Variants in GGA2 observed in about 807,000 individuals in gnomAD.
GGA2 encodes the protein ADP-ribosylation factor-binding protein GGA2.
In GGA2, 48 loss-of-function variants were observed where a neutral mutation model predicts 79.5. The ratio of observed to expected loss-of-function variants is 0.60; its 90% CI spans 0.48 to 0.77. The LOEUF (loss-of-function observed/expected upper bound fraction) is 0.77, where lower values mean the gene tolerates loss of function less well. GGA2 is among the 30% of genes least tolerant of loss of function. The pLI is 0.00. For missense variants in GGA2, 770 were observed against 774.0 expected (o/e 0.99, Z 0.06); for synonymous variants, 317 against 302.0 (o/e 1.05, Z -0.51).
chr16:23,483,060 C>CT (rs1051579922), intron 8 of GGA2, 56 bp from the exon 9 acceptor site: 2 of 1,118,950 alleles, frequency 1.8e-6, no homozygotes, highest in African/African-American at 3.1e-5. Context: ...TAACGCCCCC[C>CT]TCCAGGGCCC....
rs762746067 is a variant in GGA2 at position 23,510,357 on chromosome 16, G to T, written c.55C>A (p.Pro19Thr). ...TCCAGCGACGCTGCCGGGCCCGGGGGACCCTGGGCCGACTCGGTTCCCGCC... is the reference window on the plus strand; with the variant it reads ...TCCAGCGACGCTGCCGGGCCCGGGGTACCCTGGGCCGACTCGGTTCCCGCC... ...AVAGTESAQG[P>T]PGPAASLELW... The change falls in exon 1 of 17, where the codon CCC becomes ACC. Residue 19 changes from proline (P) to threonine (T), a missense_variant. By Grantham distance (38) the Pro-to-Thr change is conservative (BLOSUM62 -1). Coordinates refer to ENST00000309859, the MANE Select transcript of GGA2 (RefSeq NM_015044.4). 9.1e-6 allele frequency: 13 copies of T among 1,430,022 alleles called. No homozygotes were observed. The African/African-American group carries it at 1.2e-4, about 13-fold the overall frequency. 88.6% of individuals were successfully genotyped at this position (1,430,022 alleles called of 1,614,324 possible). A position where few individuals can be genotyped will look rare whatever the true frequency, so the allele number is the denominator to read the frequency against.
chr16:23,510,215 C>T, intron 1 of GGA2, 106 bp downstream of exon 1: 5 of 621,088 alleles, frequency 8.1e-6, no homozygotes. Context: ...ACCCGGCCGC[C>T]GGCCTCCCCT....
At chr16:23,479,638 G>A in intron 11 of GGA2, 127 bp downstream of exon 11, 5 of 1,105,122 alleles carry the variant, frequency 4.5e-6, no homozygotes, top group Admixed American at 4.2e-5. Context: ...GAGGGAACCA[G>A]CTCACTCTTC....
chr16:23,479,798 G>A lies in GGA2; in HGVS notation c.1096C>T (p.Pro366Ser), dbSNP rs1280646516. 2.5e-6 allele frequency: 4 copies of A among 1,613,992 alleles called. No individual in the cohort carries two copies. Among genetic ancestry groups the A allele is most frequent in the African/African-American group, 1.3e-5 (1 of 74,918 alleles). Residue 366 changes from proline to serine, a missense_variant, in exon 11 of 17, where the codon CCA becomes TCA. Physicochemically the swap from Pro to Ser is moderately conservative, Grantham distance 74. Transcript: ENST00000309859. ...GCCAGGTCCTGATGAAGCAAAGATG[G>A]CACCACAGTCCCCATCTGCGCAGGT... ...NGPAQMGTVVPSLLHQDLAAL... is the reference protein window; with the variant it reads ...NGPAQMGTVVSSLLHQDLAAL...
chr16:23,482,793 C>T (rs1964663709), intron 9 of GGA2, 130 bp downstream of exon 9: 1 of 681,182 alleles, frequency 1.5e-6, no homozygotes, highest in African/African-American at 1.8e-5. Flanking sequence ...CAGGCCACAC[C>T]CTCCCCAAGC....
At chr16:23,468,259 C>T (rs1452440456) in intron 16 of GGA2, among the ~76,000 whole-genome samples, 1 of 152,126 alleles carries the variant, frequency 6.6e-6, no homozygotes, top group African/African-American at 2.4e-5. Context: ...CTCACTGCAA[C>T]CTCCGCCTCT....
intron 5 of GGA2, among the ~76,000 whole-genome samples, chr16:23,490,008 G>C (rs1390104326): frequency 6.6e-6 from 1 of 152,202 alleles, no homozygotes; most frequent in Non-Finnish European, 1.5e-5. Context: ...GCCTGCCTAA[G>C]AACCAGGCTG....
intron 14 of GGA2, among the ~76,000 whole-genome samples, chr16:23,472,529 A>G (rs1244935983): frequency 6.6e-6 from 1 of 151,536 alleles, no homozygotes; most frequent in Non-Finnish European, 1.5e-5. Flanking sequence ...AAACAGGTAG[A>G]AAGAAATTGA....
chr16:23,472,639 TG>T (rs1031831370), intron 14 of GGA2, among the ~76,000 whole-genome samples: 3 of 150,616 alleles, frequency 2.0e-5, no homozygotes, highest in African/African-American at 7.3e-5. Context: ...GCCTGGAGGA[TG>T]GAGGTTGTAG....
At position 23,464,032 on chromosome 16, in the gene GGA2, T is replaced by C. The variant is rs967717506; in HGVS notation, c.*3558A>G. ...GTAAGCATCTTCTATAATGGGTATA[T>C]TTAAAGGATTTGGGATTAATATTGT... On this transcript the variant is annotated 3_prime_UTR_variant, in exon 17 of 17. Transcript: ENST00000309859. The C allele has an allele frequency of 2.0e-5, 3 of 152,210 alleles. No individual in the cohort carries two copies. The highest frequency in any genetic ancestry group is 4.4e-5 in the Non-Finnish European group (3 of 68,030). The allele number at this position is 152,210 out of a possible 1,614,324, so 9.4% of individuals were successfully genotyped here.
At chr16:23,519,618 C>T in exon 2 of GGA2, 1 of 423,772 alleles carries the variant, frequency 2.4e-6, no homozygotes, top group Non-Finnish European at 4.8e-6. Flanking sequence ...TGGCCAACTG[C>T]AGAGATAAAG....
At chr16:23,486,266 A>C in intron 7 of GGA2, 114 bp from the exon 8 acceptor site, 1 of 885,540 alleles carries the variant, frequency 1.1e-6, no homozygotes, top group Non-Finnish European at 1.8e-6. Context: ...CATCACCAGG[A>C]TGTTAAGTGC....
intron 14 of GGA2, among the ~76,000 whole-genome samples, chr16:23,473,330 CTTTTTTTTTTTTTTTTT>C (rs34972165): frequency 1.4e-5 from 1 of 70,672 alleles, no homozygotes; most frequent in Non-Finnish European, 2.4e-5. Flanking sequence ...CTTTTCTAGT[CTTTTTTTTTTTTTTTTT>C]TTTTTTTTTA....
intron 9 of GGA2, among the ~76,000 whole-genome samples, chr16:23,481,895 T>C (rs1420619588): frequency 6.6e-6 from 1 of 152,242 alleles, no homozygotes; most frequent in Non-Finnish European, 1.5e-5. Flanking sequence ...CAATTTTTTT[T>C]TTTTAAGTTA....
upstream of GGA2, among the ~76,000 whole-genome samples, chr16:23,513,790 A>G (rs1288817998): frequency 3.7e-5 from 2 of 54,722 alleles, no homozygotes. Flanking sequence ...TCTCAAAAAA[A>G]AAAAAAAAAA....
At chr16:23,486,816 G>A in intron 6 of GGA2, 26 bp from the exon 7 acceptor site, 1 of 1,411,738 alleles carries the variant, frequency 7.1e-7, no homozygotes, top group Non-Finnish European at 1.0e-6. Context: ...AGGAAGAGTA[G>A]GTGAGACCAC....
chr16:23,488,518 C>T, intron 6 of GGA2, 88 bp downstream of exon 6: 1 of 823,982 alleles, frequency 1.2e-6, no homozygotes, highest in Non-Finnish European at 2.1e-6. Flanking sequence ...ACCTGCCCCC[C>T]TCCATACTCC....
chr16:23,499,720 C>T (rs542692007), intron 1 of GGA2, among the ~76,000 whole-genome samples: 2 of 152,350 alleles, frequency 1.3e-5, no homozygotes, highest in South Asian at 4.1e-4. Context: ...CCTCGGCCCC[C>T]CAAAGTGTTA....
chr16:23,477,364 G>A (rs764131994), intron 13 of GGA2, among the ~76,000 whole-genome samples: 3 of 152,152 alleles, frequency 2.0e-5, no homozygotes, highest in Admixed American at 6.5e-5. Flanking sequence ...CTGTTCTCAC[G>A]GTAGTAAGTC....
Sources: gnomAD v4.1 joint callset for allele counts (sites outside exome capture counted in the v4.1 genomes callset) on GRCh38, gnomAD v4.1.1 for gene constraint, MANE v1.5 for transcripts, NCBI Gene and HGNC (gene_info 2026-07-23, HGNC 2026-07-21) for gene names.